DGKH: variants seen among roughly 807,000 people sequenced by gnomAD.
DGKH encodes diacylglycerol kinase eta.
DGKH carries 90 observed loss-of-function variants against 159.3 expected under a neutral mutation model. The observed-to-expected ratio is 0.57, with a 90% CI of 0.48 to 0.67. DGKH has a LOEUF of 0.67. Among genes scored for constraint, DGKH ranks in the 30% least tolerant of loss-of-function variants. The probability of loss-of-function intolerance (pLI) is 0.00; values close to 1 mark genes in which losing one functional copy is unlikely to be tolerated. For synonymous variants in DGKH, 536 were observed against 553.8 expected (o/e 0.97, Z 0.45); for missense variants, 1,181 against 1,506.1 (o/e 0.78, Z 3.57).
In DGKH at chr13:42,187,158, G is replaced by T; in HGVS notation, c.1638+10G>T. The T allele has an allele frequency of 1.2e-6, 2 of 1,607,478 alleles. No individual in the cohort carries two copies. The highest frequency in any genetic ancestry group is 1.7e-6 in the Non-Finnish European group (2 of 1,174,068). On this transcript the variant is annotated intron_variant, in intron 14 of 29. Transcript: ENST00000337343. ...TGCCGTGGCCAGTAAAGTAAGAGGGGACTCTTCAGGGCATGAGAGTTGTTT... is the reference window on the plus strand; with the variant it reads ...TGCCGTGGCCAGTAAAGTAAGAGGGTACTCTTCAGGGCATGAGAGTTGTTT...
At chr13:42,107,536 T>TGGAG (rs1594036790) in intron 1 of DGKH, among the ~76,000 whole-genome samples, 1 of 152,152 alleles carries the variant, frequency 6.6e-6, no homozygotes, top group East Asian at 1.9e-4. Flanking sequence ...GAAACAATTC[T>TGGAG]GGAGGGAGGG....
intron 20 of DGKH, among the ~76,000 whole-genome samples, chr13:42,205,765 T>C (rs1282184138): frequency 1.3e-5 from 2 of 152,192 alleles, no homozygotes; most frequent in East Asian, 3.8e-4. Flanking sequence ...CTGAAAATGA[T>C]TCAAGAAAAG....
chr13:42,176,987 T>C (rs558853691), intron 12 of DGKH, among the ~76,000 whole-genome samples: 67 of 152,372 alleles, frequency 4.4e-4, no homozygotes, highest in African/African-American at 1.5e-3. Context: ...TTTTGACTAT[T>C]GTTTAACAGA....
chr13:42,133,057 G>C (rs752758266), intron 3 of DGKH, among the ~76,000 whole-genome samples: 1 of 151,856 alleles, frequency 6.6e-6, no homozygotes, highest in Non-Finnish European at 1.5e-5. Context: ...TGTAGTCCCA[G>C]CTACTTGGGT....
intron 7 of DGKH, among the ~76,000 whole-genome samples, chr13:42,161,404 T>G (rs1355797084): frequency 6.6e-6 from 1 of 152,202 alleles, no homozygotes; most frequent in Non-Finnish European, 1.5e-5. Flanking sequence ...ATCCCAGCAC[T>G]TTGGGAGGCC....
At chr13:42,127,707 C>A in intron 2 of DGKH, 134 bp downstream of exon 2, 1 of 663,520 alleles carries the variant, frequency 1.5e-6, no homozygotes, top group Non-Finnish European at 2.6e-6. Context: ...TAAATGTGAT[C>A]TATCGGTGAC....
In DGKH at chr13:42,168,750, T is replaced by C. The variant is rs1166762033; in HGVS notation, c.1299T>C (p.Tyr433=). 6.2e-7 allele frequency: 1 copy of C among 1,614,160 alleles called. No individual in the cohort carries two copies. Among genetic ancestry groups the C allele is most frequent in the Non-Finnish European group, 8.5e-7 (1 of 1,180,010 alleles). Residue 433 remains tyrosine (Y), a synonymous_variant, in exon 11 of 30, where the codon TAT becomes TAC. Transcript: ENST00000337343. The part of the protein sequence containing the change: ...LARVLGWGGS[Y]DDDTQLPQIL... ...GAGTTCTTGGCTGGGGAGGTTCATA[T>C]GACGATGACACCCAACTTCCTCAGA...
intron 1 of DGKH, among the ~76,000 whole-genome samples, chr13:42,121,295 T>C (rs780957360): frequency 8.5e-5 from 13 of 152,224 alleles, no homozygotes; most frequent in Non-Finnish European, 1.6e-4. Context: ...AAAATAGGCT[T>C]TGTATTAGAT....
chr13:42,079,369 G>A (rs1954158789), intron 1 of DGKH, among the ~76,000 whole-genome samples: 1 of 152,096 alleles, frequency 6.6e-6, no homozygotes, highest in Non-Finnish European at 1.5e-5. Context: ...AGATTGCATA[G>A]TGATCAACTC....
At chr13:42,227,724 T>G (rs1326374808) in intron 29 of DGKH, among the ~76,000 whole-genome samples, 1 of 152,182 alleles carries the variant, frequency 6.6e-6, no homozygotes, top group African/African-American at 2.4e-5. Context: ...TATCTCAAGT[T>G]TGACAATAGC....
At chr13:42,181,726 C>G in intron 13 of DGKH, 1 of 758,832 alleles carries the variant, frequency 1.3e-6, no homozygotes. Context: ...GGGCCCACAG[C>G]CACGCCAGCT....
chr13:42,202,072 T>G (rs1957361138), intron 20 of DGKH, among the ~76,000 whole-genome samples: 1 of 152,190 alleles, frequency 6.6e-6, no homozygotes, highest in South Asian at 2.1e-4. Context: ...GACTCCTGGT[T>G]TCTGAACCTT....
chr13:42,055,486 T>G lies in DGKH; in HGVS notation c.192+6521T>G, dbSNP rs185434795. On this transcript the variant is annotated intron_variant, in intron 1 of 29. Coordinates refer to ENST00000337343, the MANE Select transcript of DGKH (RefSeq NM_178009.5). Reference sequence around the variant, plus strand: ...CATAATAAATAATTTACTAAACCTTTACATATAACTTAACGATGCCGTATT... The same window carrying G: ...CATAATAAATAATTTACTAAACCTTGACATATAACTTAACGATGCCGTATT... Among the ~76,000 whole-genome samples the G allele has an allele frequency of 5.9e-5, 9 of 152,348 alleles. No homozygotes were observed. The East Asian group carries it at 1.7e-3, about 29-fold the overall frequency.
intron 1 of DGKH, among the ~76,000 whole-genome samples, chr13:42,120,455 G>C (rs145136921): frequency 3.9e-5 from 6 of 152,220 alleles, no homozygotes; most frequent in South Asian, 2.1e-4. Flanking sequence ...TTTAGGATTT[G>C]TTTGGTTATA....
chr13:42,227,571 G>A lies in DGKH; in HGVS notation c.3574-1528G>A, dbSNP rs1252739366. 2.0e-5 allele frequency among the ~76,000 whole-genome samples: 3 copies of A among 152,274 alleles called. No individual in the cohort carries two copies. The East Asian group carries it at 5.8e-4, about 29-fold the overall frequency. On this transcript the variant is annotated intron_variant, in intron 29 of 29. Transcript: ENST00000337343. ...TAGCAAGCATCGGTATATTCCTCTAGGATTTGGCCTTGCTTTTAAGCTTGA... is the reference window on the plus strand; with the variant it reads ...TAGCAAGCATCGGTATATTCCTCTAAGATTTGGCCTTGCTTTTAAGCTTGA...
intron 29 of DGKH, among the ~76,000 whole-genome samples, chr13:42,227,903 A>T (rs1958175237): frequency 6.6e-6 from 1 of 152,176 alleles, no homozygotes; most frequent in Admixed American, 6.5e-5. Flanking sequence ...AACAGGGTGG[A>T]TATTTGGAAT....
At chr13:42,122,663 G>A (rs1054750577) in intron 1 of DGKH, among the ~76,000 whole-genome samples, 14 of 152,168 alleles carry the variant, frequency 9.2e-5, no homozygotes, top group African/African-American at 3.4e-4. Flanking sequence ...TTTCAGAGGG[G>A]ACATCAAATT....
intron 11 of DGKH, among the ~76,000 whole-genome samples, chr13:42,169,965 T>A (rs1956404389): frequency 1.3e-5 from 2 of 152,210 alleles, no homozygotes; most frequent in Admixed American, 1.3e-4. Context: ...GTTAGCTTGA[T>A]TGTGTTGTAT....
intron 23 of DGKH, among the ~76,000 whole-genome samples, chr13:42,210,232 G>C (rs993798556): frequency 2.0e-5 from 3 of 151,706 alleles, no homozygotes; most frequent in Non-Finnish European, 4.4e-5. Flanking sequence ...GTACAGTGGT[G>C]TGATCATAGC....
Sources: allele counts gnomAD v4.1 joint callset (sites outside exome capture counted in the v4.1 genomes callset), GRCh38; gene constraint gnomAD v4.1.1; transcripts MANE v1.5; gene names NCBI Gene and HGNC (gene_info 2026-07-23, HGNC 2026-07-21).